Variants in POLD1 observed in about 807,000 individuals in gnomAD.
POLD1 encodes the protein DNA polymerase delta 1, catalytic subunit.
Under a neutral mutation model 129.7 loss-of-function variants are expected in POLD1, and 79 were observed. The ratio of observed to expected loss-of-function variants is 0.61; its 90% CI spans 0.51 to 0.73. The LOEUF (loss-of-function observed/expected upper bound fraction) is 0.73, where lower values mean the gene tolerates loss of function less well. Among genes scored for constraint, POLD1 ranks in the 30% least tolerant of loss-of-function variants. POLD1 has a pLI of 0.00. For synonymous variants in POLD1, 714 were observed against 683.3 expected (o/e 1.04, Z -0.70); for missense variants, 1,338 against 1,595.8 (o/e 0.84, Z 2.75).
Position 50,408,898 on chromosome 19 carries a change from T to C in POLD1, c.1889T>C (p.Leu630Pro). Residue 630 changes from leucine (L) to proline (P), a missense_variant, in exon 15 of 27, where the codon CTG becomes CCG. Physicochemically the swap from Leu to Pro is moderately conservative, Grantham distance 98. Transcript: ENST00000440232. ...TLLRPGTAQK[L>P]GLTEDQFIRT... is the part of the protein sequence containing the mutation. ...CTTCGGCCCGGGACTGCACAGAAAC[T>C]GGGGTATAGTGCCCAATTCAGCATG... The C allele has an allele frequency of 1.9e-6, 3 of 1,609,096 alleles. No individual in the cohort carries two copies. The highest frequency in any genetic ancestry group is 2.5e-6 in the Non-Finnish European group (3 of 1,177,474).
At position 50,406,619 on chromosome 19, in the gene POLD1, C is replaced by G. The variant is rs1260282340; in HGVS notation, c.1494+102C>G. The G allele has an allele frequency of 1.2e-6, 1 of 839,464 alleles. No individual in the cohort carries two copies. The allele number at this position is 839,464 out of a possible 1,614,324, so 52.0% of individuals were successfully genotyped here. On this transcript the variant is annotated intron_variant, in intron 12 of 26. Coordinates refer to ENST00000440232, the MANE Select transcript of POLD1 (RefSeq NM_002691.4). This position sits in a 1 kb window ranked among gnomAD's most constrained non-coding sequence, Gnocchi z 5.5. ...TCACGCCCCCACGTCTGACCTCACT[C>G]TTTGACCTGCTGTTATGACCTGTGA...
chr19:50,387,339 G>A (rs1394112698), intron 1 of POLD1, among the ~76,000 whole-genome samples: 1 of 152,172 alleles, frequency 6.6e-6, no homozygotes, highest in African/African-American at 2.4e-5. Context: ...AGGTCATTGA[G>A]GAAATGAGTG....
chr19:50,392,236 A>T (rs1425333045), intron 1 of POLD1, among the ~76,000 whole-genome samples: 1 of 151,930 alleles, frequency 6.6e-6, no homozygotes, highest in Non-Finnish European at 1.5e-5. Context: ...ATGCTTAAGT[A>T]ATTTTTAATT....
At chr19:50,384,953 G>A (rs1198956797) in intron 1 of POLD1, among the ~76,000 whole-genome samples, 1 of 152,194 alleles carries the variant, frequency 6.6e-6, no homozygotes, top group Non-Finnish European at 1.5e-5. Context: ...AAAGCCCTGA[G>A]GTGGAAGGAG....
At chr19:50,416,828 C>T (rs1215449539) in intron 24 of POLD1, 105 bp downstream of exon 24, 2 of 1,008,082 alleles carry the variant, frequency 2.0e-6, no homozygotes, top group South Asian at 1.6e-5. Context: ...ACCCAGTGGG[C>T]CCAGGGCCCC....
At chr19:50,404,019 C>A (rs79802767) in intron 10 of POLD1, among the ~76,000 whole-genome samples, 428 of 152,228 alleles carry the variant, frequency 2.8e-3, no homozygotes, top group African/African-American at 9.8e-3. Context: ...AGGGTGGATT[C>A]CTCTGCCCGA....
chr19:50,389,374 G>A (rs962054856), intron 1 of POLD1, among the ~76,000 whole-genome samples: 1 of 149,884 alleles, frequency 6.7e-6, no homozygotes, highest in East Asian at 2.0e-4. Flanking sequence ...CCCCTGCCTC[G>A]GCCTCCAAAT....
rs1437064620 is a variant in POLD1, at chr19:50,415,845, C to G, written c.2820+19C>G. On this transcript the variant is annotated intron_variant, in intron 22 of 26. Transcript: ENST00000440232. ...GTCGGAGGTCAGGCCCACCTGGCTG[C>G]CTGCTCCCGCCCAGCCCCCTCGCTC... The G allele has an allele frequency of 3.5e-6, 5 of 1,426,400 alleles. No individual in the cohort carries two copies. The South Asian group carries it at 6.9e-5, about 20-fold the overall frequency. 88.4% of individuals were successfully genotyped at this position (1,426,400 alleles called of 1,614,324 possible). A position where few individuals can be genotyped will look rare whatever the true frequency, so the allele number is the denominator to read the frequency against.
chr19:50,404,474 G>A (rs891244467), intron 10 of POLD1, among the ~76,000 whole-genome samples: 8 of 149,368 alleles, frequency 5.4e-5, no homozygotes, highest in African/African-American at 2.0e-4. Flanking sequence ...GTGTTAGCGA[G>A]GATGGTCTTG....
intron 17 of POLD1, chr19:50,411,163 G>A (rs2039075972): frequency 6.6e-6 from 1 of 152,174 alleles, no homozygotes; most frequent in Non-Finnish European, 1.5e-5. Context: ...TGCCCAGGCT[G>A]GAACAGAGAC....
chr19:50,403,325 G>A (rs2038738264), intron 9 of POLD1, 106 bp downstream of exon 9: 1 of 1,270,012 alleles, frequency 7.9e-7, no homozygotes, highest in Non-Finnish European at 1.1e-6. Context: ...TGTGGGTCTG[G>A]GTGGGTGTCT....
At chr19:50,404,274 T>C (rs539715026) in intron 10 of POLD1, among the ~76,000 whole-genome samples, 93 of 152,032 alleles carry the variant, frequency 6.1e-4, no homozygotes, top group Non-Finnish European at 1.1e-3. Flanking sequence ...CTTTTTTTTT[T>C]TTTTCCAAGA....
intron 1 of POLD1, among the ~76,000 whole-genome samples, chr19:50,398,570 C>A (rs1271178914): frequency 1.9e-3 from 121 of 64,224 alleles, no homozygotes; most frequent in South Asian, 2.9e-3. Context: ...AATTCCATCT[C>A]AAAAAAAAAA....
chr19:50,401,133 C>A (rs2038584153), intron 3 of POLD1, among the ~76,000 whole-genome samples: 1 of 151,112 alleles, frequency 6.6e-6, no homozygotes, highest in Non-Finnish European at 1.5e-5. Context: ...ACTAAAAATT[C>A]AAAAAATTAG....
At chr19:50,386,239 G>A (rs1304743430) in intron 1 of POLD1, among the ~76,000 whole-genome samples, 10 of 152,052 alleles carry the variant, frequency 6.6e-5, no homozygotes, top group Admixed American at 5.2e-4. Flanking sequence ...CCGGGTTCAA[G>A]CGATTCTCAT....
At chr19:50,403,027 G>T in intron 8 of POLD1, 26 bp from the exon 9 acceptor site, 1 of 1,552,094 alleles carries the variant, frequency 6.4e-7, no homozygotes, top group South Asian at 1.2e-5. Context: ...GCAGGAGTCA[G>T]GCCCCTGCAT....
chr19:50,385,780 C>T (rs952344342), intron 1 of POLD1, among the ~76,000 whole-genome samples: 6 of 152,102 alleles, frequency 3.9e-5, no homozygotes, highest in African/African-American at 1.4e-4. Flanking sequence ...CCACTTGCCT[C>T]GGCCTCCCAA....
chr19:50,388,344 C>T (rs903420765), intron 1 of POLD1, among the ~76,000 whole-genome samples: 1 of 152,152 alleles, frequency 6.6e-6, no homozygotes, highest in African/African-American at 2.4e-5. Context: ...CTCAATAAAG[C>T]AGTTAGCAAA....
chr19:50,415,388 C>A (rs772508908), intron 20 of POLD1, 50 bp from the exon 21 acceptor site: 3 of 1,575,300 alleles, frequency 1.9e-6, no homozygotes, highest in East Asian at 4.5e-5. Context: ...GAGGCACCAG[C>A]CTGGCCCTCA....
Sources: gnomAD v4.1 joint callset for allele counts (sites outside exome capture counted in the v4.1 genomes callset) on GRCh38, gnomAD v4.1.1 for gene constraint, Gnocchi (gnomAD v3.1) non-coding constraint, MANE v1.5 for transcripts, NCBI Gene and HGNC (gene_info 2026-07-23, HGNC 2026-07-21) for gene names.